The following NME2 variants were observed in gnomAD, a reference collection of about 807,000 sequenced individuals.
The protein encoded by NME2 is NME/NM23 nucleoside diphosphate kinase 2, also known as nucleoside diphosphate kinase B.
Under a neutral mutation model 17.8 loss-of-function variants are expected in NME2, and 18 were observed. The observed-to-expected ratio is 1.01, with a 90% CI of 0.70 to 1.50. The LOEUF (loss-of-function observed/expected upper bound fraction) is 1.50, where lower values mean the gene tolerates loss of function less well. Ranked by LOEUF, NME2 falls within the 40% of genes most tolerant of loss-of-function variation. The pLI is 0.00. For missense variants in NME2, 161 were observed against 195.6 expected (o/e 0.82, Z 1.05); for synonymous variants, 74 against 71.4 (o/e 1.04, Z -0.19).
chr17:51,170,101 C>T (rs373201781), intron 4 of NME2, 52 bp downstream of exon 4: 60 of 1,396,104 alleles, frequency 4.3e-5, no homozygotes, highest in Middle Eastern at 1.8e-4. Flanking sequence ...CCATTTAAAG[C>T]AGACGTCATG....
chr17:51,171,554 G>A lies in NME2; in HGVS notation c.409G>A (p.Glu137Lys). The A allele has an allele frequency of 6.2e-7, 1 of 1,613,888 alleles. No homozygotes were observed. The highest frequency in any genetic ancestry group is 8.5e-7 in the Non-Finnish European group (1 of 1,179,798). The change falls in exon 5 of 5, where the codon GAA becomes AAA. Residue 137 changes from glutamate to lysine, a missense_variant. Coordinates refer to ENST00000512737, the MANE Select transcript of NME2 (RefSeq NM_002512.4). ...EKEISLWFKPEELVDYKSCAH... is the reference protein window; with the variant it reads ...EKEISLWFKPKELVDYKSCAH... Reference sequence around the variant, plus strand: ...AGAAATCAGCCTATGGTTTAAGCCTGAAGAACTGGTTGACTACAAGTCTTG... The same window carrying A: ...AGAAATCAGCCTATGGTTTAAGCCTAAAGAACTGGTTGACTACAAGTCTTG...
In NME2 at chr17:51,171,728, A is replaced by C. The variant is rs1320460372; in HGVS notation, c.*124A>C. Reference sequence around the variant, plus strand: ...TTTTATAGAGCATATTTGCCAATAAAGCTTTTGGAAGCCGGACACTGTCTC... The same window carrying C: ...TTTTATAGAGCATATTTGCCAATAACGCTTTTGGAAGCCGGACACTGTCTC... On this transcript the variant is annotated 3_prime_UTR_variant, in exon 5 of 5. Coordinates refer to ENST00000512737, the MANE Select transcript of NME2 (RefSeq NM_002512.4). The C allele has an allele frequency of 2.9e-6, 2 of 695,090 alleles. No individual in the cohort carries two copies. Among genetic ancestry groups the C allele is most frequent in the East Asian group, 5.4e-5 (2 of 36,796 alleles). The allele number at this position is 695,090 out of a possible 1,614,324, so 43.1% of individuals were successfully genotyped here.
intron 4 of NME2, among the ~76,000 whole-genome samples, chr17:51,170,805 A>G (rs1232448746): frequency 6.7e-6 from 1 of 149,514 alleles, no homozygotes; most frequent in Non-Finnish European, 1.5e-5. Flanking sequence ...AAAAAAAAAA[A>G]GCTTTCACAC....
chr17:51,167,208 C>T, intron 2 of NME2: 2 of 755,050 alleles, frequency 2.6e-6, no homozygotes, highest in Admixed American at 3.7e-5. Context: ...CCGCGGGCCG[C>T]TACCTGCCCA....
Position 51,169,973 on chromosome 17 carries a change from G to A in NME2, c.265G>A (p.Val89Met). ...GCTGAACGTGGTGAAGACAGGCCGA[G>A]TGATGCTTGGGGAGACCAATCCAGC... is the stretch of plus-strand genomic sequence containing the variant. ...EGLNVVKTGR[V>M]MLGETNPADS... Residue 89 changes from valine to methionine, a missense_variant, in exon 4 of 5, where the codon GTG (valine) becomes ATG (methionine). Val to Met is a conservative substitution (Grantham distance 21). Coordinates refer to ENST00000512737, the MANE Select transcript of NME2 (RefSeq NM_002512.4). The A allele has an allele frequency of 3.7e-6, 6 of 1,613,618 alleles. No homozygotes were observed. Among genetic ancestry groups the A allele is most frequent in the Non-Finnish European group, 5.1e-6 (6 of 1,179,864 alleles).
Position 51,170,009 on chromosome 17 carries a change from C to G in NME2, c.301C>G (p.Pro101Ala). ...LGETNPADSK[P>A]GTIRGDFCIQ... is the part of the protein sequence containing the mutation. The stretch of plus-strand genomic sequence containing the variant: ...GGAGACCAATCCAGCAGATTCAAAG[C>G]CAGGCACCATTCGTGGGGACTTCTG... The change falls in exon 4 of 5, where the codon CCA becomes GCA. Residue 101 changes from proline (P) to alanine (A), a missense_variant. Pro to Ala is a conservative substitution (Grantham distance 27). Coordinates refer to ENST00000512737, the MANE Select transcript of NME2 (RefSeq NM_002512.4). The G allele has an allele frequency of 6.2e-7, 1 of 1,612,922 alleles. No individual in the cohort carries two copies. The highest frequency in any genetic ancestry group is 1.3e-5 in the African/African-American group (1 of 74,978).
chr17:51,169,799 C>G (rs995978212), intron 3 of NME2, 138 bp from the exon 4 acceptor site: 2 of 733,654 alleles, frequency 2.7e-6, no homozygotes, highest in African/African-American at 3.6e-5. Flanking sequence ...ATATAGGCCC[C>G]TACTCTCTGC....
intron 4 of NME2, among the ~76,000 whole-genome samples, chr17:51,170,496 T>C (rs1470231705): frequency 6.6e-6 from 1 of 151,742 alleles, no homozygotes; most frequent in African/African-American, 2.4e-5. Flanking sequence ...GGTATATCAT[T>C]GTATAAAAGC....
rs1323039306 is a variant in NME2 at position 51,166,887 on chromosome 17, C to T, written c.57C>T (p.Gly19=). ...IAIKPDGVQR[G]LVGEIIKRFE... ...TCAAGCCGGACGGCGTGCAGCGCGG[C>T]CTGGTGGGCGAGATCATCAAGCGCT... Residue 19 remains glycine (G), a synonymous_variant, in exon 2 of 5, where the codon GGC becomes GGT. Coordinates refer to ENST00000512737, the MANE Select transcript of NME2 (RefSeq NM_002512.4). 6.2e-7 allele frequency: 1 copy of T among 1,613,816 alleles called. No homozygotes were observed. Among genetic ancestry groups the T allele is most frequent in the Admixed American group, 1.7e-5 (1 of 60,014 alleles).
At chr17:51,168,970 T>A (rs528867865) in intron 3 of NME2, among the ~76,000 whole-genome samples, 117 of 150,970 alleles carry the variant, frequency 7.7e-4, no homozygotes, top group African/African-American at 2.6e-3. Context: ...CAAAAAAAAA[T>A]AATACTCAAT....
chr17:51,170,159 T>C (rs1568127742), intron 4 of NME2, 110 bp downstream of exon 4: 1 of 867,600 alleles, frequency 1.2e-6, no homozygotes, highest in Non-Finnish European at 1.7e-6. Flanking sequence ...TTTTTTTTTT[T>C]TCTTGAGACG....
In NME2 at chr17:51,170,017, C is replaced by G. The variant is rs756006257; in HGVS notation, c.309C>G (p.Thr103=). ...ETNPADSKPG[T]IRGDFCIQVG... is the part of the protein sequence containing the mutation. Reference sequence around the variant, plus strand: ...ATCCAGCAGATTCAAAGCCAGGCACCATTCGTGGGGACTTCTGCATTCAGG... The same window carrying G: ...ATCCAGCAGATTCAAAGCCAGGCACGATTCGTGGGGACTTCTGCATTCAGG... Residue 103 remains threonine (T), a synonymous_variant, in exon 4 of 5, where the codon ACC becomes ACG. Coordinates refer to ENST00000512737, the MANE Select transcript of NME2 (RefSeq NM_002512.4). 7.4e-6 allele frequency: 12 copies of G among 1,612,392 alleles called. No individual in the cohort carries two copies. The South Asian group carries it at 1.3e-4, about 18-fold the overall frequency.
At chr17:51,166,271 C>T (rs1377785607), upstream of NME2, 1 of 152,344 alleles carries the variant, frequency 6.6e-6, no homozygotes, top group South Asian at 2.1e-4. Flanking sequence ...GTCTCGATCT[C>T]TGCCTGGCGA....
chr17:51,170,101 C>G, intron 4 of NME2, 52 bp downstream of exon 4: 1 of 1,396,140 alleles, frequency 7.2e-7, no homozygotes, highest in South Asian at 1.3e-5. Context: ...CCATTTAAAG[C>G]AGACGTCATG....
chr17:51,169,652 T>G (rs1401945205), intron 3 of NME2: 1 of 317,584 alleles, frequency 3.1e-6, no homozygotes, highest in African/African-American at 2.2e-5. Flanking sequence ...TTCTCCTTTC[T>G]TCACCAGTTC....
chr17:51,166,016 A>C (rs1294017899), upstream of NME2: 1 of 152,126 alleles, frequency 6.6e-6, no homozygotes, highest in East Asian at 1.9e-4. Flanking sequence ...CACGACGGGG[A>C]GGGAGAGCCA....
chr17:51,171,119 G>A (rs944485554), intron 4 of NME2, among the ~76,000 whole-genome samples: 1 of 152,186 alleles, frequency 6.6e-6, no homozygotes, highest in Non-Finnish European at 1.5e-5. Context: ...CAGCAGAGCT[G>A]GCCTATGATA....
At chr17:51,168,140 G>A in intron 2 of NME2, 102 bp from the exon 3 acceptor site, 3 of 972,998 alleles carry the variant, frequency 3.1e-6, no homozygotes, top group East Asian at 2.4e-5. Flanking sequence ...ACTTAGGAAC[G>A]TGGGCTAGAA....
At chr17:51,168,996 A>C (rs898530641) in intron 3 of NME2, among the ~76,000 whole-genome samples, 1 of 152,172 alleles carries the variant, frequency 6.6e-6, no homozygotes, top group African/African-American at 2.4e-5. Flanking sequence ...CTGTTTGACA[A>C]GTGTTTTAGA....
Sources: allele counts gnomAD v4.1 joint callset (sites outside exome capture counted in the v4.1 genomes callset), GRCh38; gene constraint gnomAD v4.1.1; transcripts MANE v1.5; gene names NCBI Gene and HGNC (gene_info 2026-07-23, HGNC 2026-07-21).